The following ZNF500 variants were observed in gnomAD, a reference collection of about 807,000 sequenced individuals.
The protein encoded by ZNF500 is zinc finger protein with KRAB and SCAN domains 18.
Under a neutral mutation model 30.1 loss-of-function variants are expected in ZNF500, and 31 were observed. That is an observed-to-expected ratio of 1.03 (90% confidence interval 0.77 to 1.39). The LOEUF is 1.39. ZNF500 is among the 40% of genes most tolerant of loss of function. The pLI, the probability that ZNF500 is intolerant of heterozygous loss-of-function variation, is 0.00. For synonymous variants in ZNF500, 392 were observed against 282.0 expected, an observed-to-expected ratio of 1.39 and a Z score of -3.91; for missense variants, 817 against 657.8, an observed-to-expected ratio of 1.24 and a Z score of -2.65.
intron 2 of ZNF500, among the ~76,000 whole-genome samples, chr16:4,765,356 A>G (rs1367597070): frequency 6.6e-6 from 1 of 152,208 alleles, no homozygotes; most frequent in East Asian, 1.9e-4. Flanking sequence ...TGCACTAGCT[A>G]ATAAAGGGCT....
chr16:4,761,747 C>T (rs186434201), intron 4 of ZNF500, among the ~76,000 whole-genome samples: 256 of 149,614 alleles, frequency 1.7e-3, no homozygotes, highest in Non-Finnish European at 3.2e-3. Flanking sequence ...TCCCAACTAA[C>T]TGAGGAGGCT....
chr16:4,756,083 T>C (rs1596497934), intron 5 of ZNF500, among the ~76,000 whole-genome samples: 1 of 151,550 alleles, frequency 6.6e-6, no homozygotes, highest in Non-Finnish European at 1.5e-5. Context: ...GGGTACGAGG[T>C]TTCCATTTAG....
chr16:4,759,037 C>T (rs896545161), intron 5 of ZNF500, among the ~76,000 whole-genome samples: 1 of 151,938 alleles, frequency 6.6e-6, no homozygotes, highest in Admixed American at 6.6e-5. Flanking sequence ...TGGCAAAACC[C>T]AGCTCTACTA....
In ZNF500 at chr16:4,760,515, C is replaced by A; in HGVS notation, c.737G>T (p.Arg246Leu). 6.2e-7 allele frequency: 1 copy of A among 1,613,734 alleles called. No individual in the cohort carries two copies. The highest frequency in any genetic ancestry group is 8.5e-7 in the Non-Finnish European group (1 of 1,179,804). The change falls in exon 5 of 6, where the codon CGG becomes CTG. Residue 246 changes from arginine (R) to leucine (L), a missense_variant. Coordinates refer to ENST00000219478, the MANE Select transcript of ZNF500 (RefSeq NM_021646.4). ...ACCTTCATTCTCCAGCGGCGCGTCCCGCTGAGCTGGGTCCATGCATCTTGG... is the reference window on the plus strand; with the variant it reads ...ACCTTCATTCTCCAGCGGCGCGTCCAGCTGAGCTGGGTCCATGCATCTTGG... Reference protein sequence around the residue: ...EEPRCMDPAQRDAPLENEGPG... With the variant: ...EEPRCMDPAQLDAPLENEGPG...
At chr16:4,762,821 C>T in intron 2 of ZNF500, 65 bp from the exon 3 acceptor site, 1 of 1,511,450 alleles carries the variant, frequency 6.6e-7, no homozygotes, top group Non-Finnish European at 8.8e-7. Context: ...CCCCGCAGGG[C>T]CCCACACCCC....
At chr16:4,756,177 C>G (rs9937063) in intron 5 of ZNF500, among the ~76,000 whole-genome samples, 1 of 152,150 alleles carries the variant, frequency 6.6e-6, no homozygotes, top group Non-Finnish European at 1.5e-5. Context: ...GCGGGCTGAT[C>G]ATTTGACGTC....
At chr16:4,746,436 A>C, downstream of ZNF500, 1 of 1,613,600 alleles carries the variant, frequency 6.2e-7, no homozygotes, top group Non-Finnish European at 8.5e-7. Flanking sequence ...CCAGGGCATG[A>C]GGCTTAACGC....
chr16:4,747,118 A>G, downstream of ZNF500: 3 of 1,306,662 alleles, frequency 2.3e-6, no homozygotes, highest in Admixed American at 5.7e-5. Context: ...GCCTGTGGTG[A>G]GGTCTTGCTG....
At chr16:4,758,791 A>T (rs887903079) in intron 5 of ZNF500, among the ~76,000 whole-genome samples, 2 of 152,152 alleles carry the variant, frequency 1.3e-5, no homozygotes, top group African/African-American at 4.8e-5. Context: ...ATACAACATC[A>T]TCTAAAACTC....
chr16:4,746,472 C>T (rs370084395), downstream of ZNF500: 1 of 1,613,692 alleles, frequency 6.2e-7, no homozygotes, highest in African/African-American at 1.3e-5. Context: ...CTTTATTGAC[C>T]TGCGGCAGAT....
chr16:4,751,117 G>A lies in ZNF500; in HGVS notation c.*1259C>T, dbSNP rs1324274029. 1 of 157,842 alleles carries A rather than the reference G, an allele frequency of 6.3e-6. No homozygotes were observed. Among genetic ancestry groups the A allele is most frequent in the African/African-American group, 2.4e-5 (1 of 41,464 alleles). 9.8% of individuals were successfully genotyped at this position (157,842 alleles called of 1,614,324 possible). On this transcript the variant is annotated 3_prime_UTR_variant, in exon 6 of 6. Coordinates refer to ENST00000219478, the MANE Select transcript of ZNF500 (RefSeq NM_021646.4). Reference sequence around the variant, plus strand: ...TACCTATGAGGAACAACCACTGCCTGGCTGGAACGTTCCAGAACCCAGTGG... The same window carrying A: ...TACCTATGAGGAACAACCACTGCCTAGCTGGAACGTTCCAGAACCCAGTGG...
At chr16:4,766,271 C>G (rs2082264641) in intron 1 of ZNF500, among the ~76,000 whole-genome samples, 195 bp from the exon 2 acceptor site, 2 of 152,230 alleles carry the variant, frequency 1.3e-5, no homozygotes, top group Non-Finnish European at 2.9e-5. Context: ...CTGGGCTTTG[C>G]TTCCTCACTG....
chr16:4,758,799 C>G (rs1398730812), intron 5 of ZNF500, among the ~76,000 whole-genome samples: 1 of 152,188 alleles, frequency 6.6e-6, no homozygotes, highest in Non-Finnish European at 1.5e-5. Flanking sequence ...TCATCTAAAA[C>G]TCTTCATAGG....
downstream of ZNF500, chr16:4,744,854 C>T (rs756397697): frequency 1.2e-6 from 2 of 1,608,572 alleles, no homozygotes; most frequent in Non-Finnish European, 1.7e-6. Flanking sequence ...TCAGCCTCTC[C>T]TTTGGCCATC....
Position 4,748,427 on chromosome 16 carries a change from C to T in ZNF500, c.*3949G>A, listed in dbSNP as rs1030334218. 2 of 152,122 alleles carry T rather than the reference C, an allele frequency of 1.3e-5. No individual in the cohort carries two copies. The highest frequency in any genetic ancestry group is 2.9e-5 in the Non-Finnish European group (2 of 68,040). 9.4% of individuals were successfully genotyped at this position (152,122 alleles called of 1,614,324 possible). Reference sequence around the variant, plus strand: ...CTTCTTTACCTAAGATAGAAAGGCACACATAGATTCTCAAGGCCTTTGACC... The same window carrying T: ...CTTCTTTACCTAAGATAGAAAGGCATACATAGATTCTCAAGGCCTTTGACC... On this transcript the variant is annotated 3_prime_UTR_variant, in exon 6 of 6. Coordinates refer to ENST00000219478, the MANE Select transcript of ZNF500 (RefSeq NM_021646.4).
rs560726868 is a variant in ZNF500, at chr16:4,751,879, G to A, written c.*497C>T. On this transcript the variant is annotated 3_prime_UTR_variant, in exon 6 of 6. Coordinates refer to ENST00000219478, the MANE Select transcript of ZNF500 (RefSeq NM_021646.4). ...GCTATGATCATGGCACTGTATTCCC[G>A]CCTGGGGGACACAGCAAGGCCCCGT... is the stretch of plus-strand genomic sequence containing the variant. 2.5e-5 allele frequency: 7 copies of A among 281,056 alleles called. No homozygotes were observed. Among genetic ancestry groups the A allele is most frequent in the East Asian group, 2.3e-4 (2 of 8,596 alleles). 17.4% of individuals were successfully genotyped at this position (281,056 alleles called of 1,614,324 possible).
In ZNF500 at chr16:4,762,704, A is replaced by G. The variant is rs61733564; in HGVS notation, c.467T>C (p.Phe156Ser). The G allele has an allele frequency of 0.033, 53,894 of 1,613,726 alleles. 1,356 individuals are homozygous for G. The highest frequency in any genetic ancestry group is 0.12 in the African/African-American group (9,166 of 74,972). ...DEVPLGIGGQ[F>S]LKHQAEAQPE... ...CTGAGCCTCTGCCTGGTGTTTTAAG[A>G]ACTGTCCCCCTATCCCGAGGGGCAC... is the stretch of plus-strand genomic sequence containing the variant. Residue 156 changes from phenylalanine (F) to serine (S), a missense_variant, in exon 3 of 6, where the codon TTC becomes TCC. By Grantham distance (155) the Phe-to-Ser change is radical. Transcript: ENST00000219478.
At chr16:4,744,837 C>G (rs754749226), downstream of ZNF500, 1 of 1,599,002 alleles carries the variant, frequency 6.3e-7, no homozygotes, top group Admixed American at 1.7e-5. Context: ...GGCCAAGTCC[C>G]CACTAATCAG....
At chr16:4,760,107 C>A (rs540554687) in intron 5 of ZNF500, among the ~76,000 whole-genome samples, 3 of 152,116 alleles carry the variant, frequency 2.0e-5, no homozygotes, top group Admixed American at 2.0e-4. Context: ...AAGAGACAAA[C>A]GGACAGAGAA....
Sources: gnomAD v4.1 joint callset for allele counts (sites outside exome capture counted in the v4.1 genomes callset) on GRCh38, gnomAD v4.1.1 for gene constraint, MANE v1.5 for transcripts, NCBI Gene and HGNC (gene_info 2026-07-23, HGNC 2026-07-21) for gene names.